The following TBC1D15 variants were observed in gnomAD, a reference collection of about 807,000 sequenced individuals.
TBC1D15 encodes GAP for RAB7.
A neutral mutation model predicts 95.4 loss-of-function variants in TBC1D15; 39 were observed. That is an observed-to-expected ratio of 0.41 (90% CI 0.32 to 0.53). TBC1D15 has a LOEUF of 0.53. TBC1D15 is among the 20% of genes least tolerant of loss of function. The probability of loss-of-function intolerance (pLI) is 0.29; values close to 1 mark genes in which losing one functional copy is unlikely to be tolerated. For missense variants in TBC1D15, 733 were observed against 794.3 expected, an observed-to-expected ratio of 0.92 and a Z score of 0.93; for synonymous variants, 258 against 261.3, an observed-to-expected ratio of 0.99 and a Z score of 0.12.
intron 1 of TBC1D15, among the ~76,000 whole-genome samples, chr12:71,860,345 T>C (rs1890104067): frequency 6.6e-6 from 1 of 152,210 alleles, no homozygotes; most frequent in Admixed American, 6.5e-5. Context: ...GCTTTTGGTA[T>C]TGTGGTCATT....
At chr12:71,915,364 C>A (rs779637908) in intron 12 of TBC1D15, among the ~76,000 whole-genome samples, 3 of 149,970 alleles carry the variant, frequency 2.0e-5, no homozygotes, top group Non-Finnish European at 4.4e-5. Flanking sequence ...TAATGCCTGA[C>A]ATGAGGTTGT....
At chr12:71,864,961 C>T (rs1891173549) in intron 1 of TBC1D15, among the ~76,000 whole-genome samples, 1 of 152,212 alleles carries the variant, frequency 6.6e-6, no homozygotes. Context: ...AATTTTGTGG[C>T]AGCAGTGGTA....
chr12:71,880,324 A>G (rs1894881259), intron 3 of TBC1D15, 145 bp from the exon 4 acceptor site: 2 of 473,148 alleles, frequency 4.2e-6, no homozygotes, highest in Non-Finnish European at 7.0e-6. Context: ...GATGATCAAG[A>G]GAGAAAAGTA....
chr12:71,872,347 G>C (rs1269468109), intron 2 of TBC1D15, among the ~76,000 whole-genome samples, 179 bp downstream of exon 2: 1 of 151,918 alleles, frequency 6.6e-6, no homozygotes, highest in Non-Finnish European at 1.5e-5. Context: ...CTTATGATGG[G>C]GTTATGTCTT....
chr12:71,877,382 A>G (rs1420873085), intron 3 of TBC1D15, among the ~76,000 whole-genome samples: 1 of 149,324 alleles, frequency 6.7e-6, no homozygotes, highest in East Asian at 2.0e-4. Context: ...ATTCTGGGAA[A>G]TATTTTTGAT....
rs377753349 is a variant in TBC1D15 at position 71,891,562 on chromosome 12, G to A, written c.555-1660G>A. Among the ~76,000 whole-genome samples the A allele has an allele frequency of 1.8e-4, 28 of 152,168 alleles. No homozygotes were observed. In the South Asian group the frequency reaches 5.0e-3, roughly 27 times the overall value. ...ATGGTGAGCTCTGCAATTACCTAGC[G>A]GTGTAACAGTATACTACTTGTCCTT... is the stretch of plus-strand genomic sequence containing the variant. On this transcript the variant is annotated intron_variant, in intron 5 of 16. Coordinates refer to ENST00000485960, the MANE Select transcript of TBC1D15 (RefSeq NM_001146213.3).
chr12:71,917,631 T>G, intron 12 of TBC1D15, 67 bp from the exon 13 acceptor site: 1 of 1,033,938 alleles, frequency 9.7e-7, no homozygotes, highest in Non-Finnish European at 1.4e-6. Flanking sequence ...CATGTTTTAG[T>G]TATCAGTCAT....
intron 10 of TBC1D15, 82 bp from the exon 11 acceptor site, chr12:71,906,940 G>C: frequency 1.4e-6 from 1 of 720,694 alleles, no homozygotes; most frequent in Non-Finnish European, 2.1e-6. Flanking sequence ...CAAGAAAAAT[G>C]ACTCTGTACT....
At chr12:71,874,390 G>A (rs1893329916) in intron 3 of TBC1D15, among the ~76,000 whole-genome samples, 2 of 152,108 alleles carry the variant, frequency 1.3e-5, no homozygotes, top group South Asian at 2.1e-4. Flanking sequence ...TGTATACACT[G>A]TCTTTTGGTA....
At position 71,913,910 on chromosome 12, in the gene TBC1D15, C is replaced by T. The variant is rs1903050189; in HGVS notation, c.1385C>T (p.Ser462Phe). The change falls in exon 12 of 17, where the codon TCT becomes TTT. Residue 462 changes from serine (S) to phenylalanine (F), a missense_variant. Coordinates refer to ENST00000485960, the MANE Select transcript of TBC1D15 (RefSeq NM_001146213.3). ...NEVDAFWCFASYMDQMHQNFE... is the reference protein window; with the variant it reads ...NEVDAFWCFAFYMDQMHQNFE... ...GTGGATGCCTTTTGGTGCTTTGCCTCTTACATGGACCAAATGGTAAGAACA... is the reference window on the plus strand; with the variant it reads ...GTGGATGCCTTTTGGTGCTTTGCCTTTTACATGGACCAAATGGTAAGAACA... 1 of 1,589,892 alleles carries T rather than the reference C, an allele frequency of 6.3e-7. No homozygotes were observed. The highest frequency in any genetic ancestry group is 1.8e-5 in the Admixed American group (1 of 54,212).
At position 71,908,676 on chromosome 12, in the gene TBC1D15, A is replaced by G. The variant is rs570647631; in HGVS notation, c.1300+1538A>G. Among the ~76,000 whole-genome samples the G allele has an allele frequency of 1.8e-3, 272 of 152,324 alleles. 1 individual carries two copies. The highest frequency in any genetic ancestry group is 0.017 in the Middle Eastern group (5 of 294). ...TAGTCAGTCCTGTCTATGAGAACCT[A>G]TAATGAGCTTCAGATTGAATTGTTG... is the stretch of plus-strand genomic sequence containing the variant. On this transcript the variant is annotated intron_variant, in intron 11 of 16. Transcript: ENST00000485960.
chr12:71,872,800 A>G (rs535684071), intron 2 of TBC1D15, 129 bp from the exon 3 acceptor site: 11 of 597,372 alleles, frequency 1.8e-5, no homozygotes, highest in Admixed American at 3.1e-5. Flanking sequence ...TTTGATTTAC[A>G]TATGATGTTA....
At chr12:71,869,951 T>G (rs574920267) in intron 1 of TBC1D15, among the ~76,000 whole-genome samples, 10 of 152,326 alleles carry the variant, frequency 6.6e-5, no homozygotes, top group African/African-American at 2.4e-4. Flanking sequence ...ACAGTTCCTG[T>G]TTCAACCTTT....
At chr12:71,920,574 C>G (rs568712608) in intron 14 of TBC1D15, among the ~76,000 whole-genome samples, 157 bp from the exon 15 acceptor site, 1 of 152,212 alleles carries the variant, frequency 6.6e-6, no homozygotes, top group Admixed American at 6.5e-5. Flanking sequence ...AGGTAAGACT[C>G]TCCTTCCCCT....
intron 10 of TBC1D15, among the ~76,000 whole-genome samples, chr12:71,901,281 C>G (rs747441282): frequency 1.3e-5 from 2 of 152,130 alleles, no homozygotes; most frequent in Non-Finnish European, 2.9e-5. Flanking sequence ...CTCAGTGTTG[C>G]AAAGCATTGG....
intron 3 of TBC1D15, among the ~76,000 whole-genome samples, chr12:71,879,384 T>G (rs1207097766): frequency 6.6e-6 from 1 of 152,096 alleles, no homozygotes; most frequent in Non-Finnish European, 1.5e-5. Context: ...ATCCACCCGC[T>G]TCGGTCTCCC....
intron 1 of TBC1D15, among the ~76,000 whole-genome samples, chr12:71,843,515 A>G (rs1014881575): frequency 6.6e-6 from 1 of 152,162 alleles, no homozygotes; most frequent in East Asian, 1.9e-4. Context: ...GTAGTTAACT[A>G]GGGTATAATA....
intron 1 of TBC1D15, chr12:71,849,124 C>G: frequency 6.4e-6 from 1 of 156,540 alleles, no homozygotes; most frequent in Non-Finnish European, 1.1e-5. Flanking sequence ...TGACTCCATA[C>G]AAGAAAATAA....
Position 71,885,788 on chromosome 12 carries a change from T to G in TBC1D15, c.554+767T>G, listed in dbSNP as rs187652665. ...CTTCCTGGAGGAAGAAGCATCTAAG[T>G]AGAGACCTGAAAAATGAGTGACCAC... On this transcript the variant is annotated intron_variant, in intron 5 of 16. Coordinates refer to ENST00000485960, the MANE Select transcript of TBC1D15 (RefSeq NM_001146213.3). 2.8e-3 allele frequency among the ~76,000 whole-genome samples: 433 copies of G among 152,164 alleles called. 1 individual carries two copies. The highest frequency in any genetic ancestry group is 4.8e-3 in the Non-Finnish European group (326 of 67,988).
Sources: gnomAD v4.1 joint callset for allele counts (sites outside exome capture counted in the v4.1 genomes callset) on GRCh38, gnomAD v4.1.1 for gene constraint, MANE v1.5 for transcripts, NCBI Gene and HGNC (gene_info 2026-07-23, HGNC 2026-07-21) for gene names.